KCNG2: variants seen among roughly 807,000 people sequenced by gnomAD.
KCNG2 encodes voltage-gated potassium channel regulatory subunit KCNG2.
A neutral mutation model predicts 12.3 loss-of-function variants in KCNG2; 7 were observed. That is an observed-to-expected ratio of 0.57 (90% confidence interval 0.32 to 1.07). The LOEUF (loss-of-function observed/expected upper bound fraction) is 1.07. Ranked by LOEUF, KCNG2 falls within the 50% of genes least tolerant of loss-of-function variation. The probability of loss-of-function intolerance (pLI) is 0.04; values close to 1 mark genes in which losing one functional copy is unlikely to be tolerated. For missense variants in KCNG2, 703 were observed against 726.0 expected (o/e 0.97, Z 0.36); for synonymous variants, 414 against 351.4 (o/e 1.18, Z -1.99).
intron 1 of KCNG2, among the ~76,000 whole-genome samples, chr18:79,804,516 G>T (rs1331563475): frequency 6.6e-6 from 1 of 152,224 alleles, no homozygotes; most frequent in Non-Finnish European, 1.5e-5. Context: ...TGCACCCGTG[G>T]CCGGTCCTGA....
At chr18:79,860,594 A>G (rs1250248117) in intron 2 of KCNG2, among the ~76,000 whole-genome samples, 1 of 152,092 alleles carries the variant, frequency 6.6e-6, no homozygotes, top group Non-Finnish European at 1.5e-5. Flanking sequence ...TTGCTTTTGT[A>G]TAGAAATACA....
At chr18:79,849,027 C>G (rs1793727900) in intron 1 of KCNG2, among the ~76,000 whole-genome samples, 1 of 152,140 alleles carries the variant, frequency 6.6e-6, no homozygotes, top group African/African-American at 2.4e-5. Flanking sequence ...GGACACGGGA[C>G]CCGTGCGGAC....
chr18:79,897,794 C>T (rs893454583), intron 3 of KCNG2, among the ~76,000 whole-genome samples: 1 of 151,940 alleles, frequency 6.6e-6, no homozygotes, highest in Non-Finnish European at 1.5e-5. Context: ...CCCTCTTCCT[C>T]CCCAGCAACA....
chr18:79,804,678 G>A (rs1244226354), intron 1 of KCNG2, among the ~76,000 whole-genome samples: 1 of 152,214 alleles, frequency 6.6e-6, no homozygotes, highest in Admixed American at 6.5e-5. Context: ...AAGGGAATGT[G>A]GCATCAAAAA....
intron 3 of KCNG2, among the ~76,000 whole-genome samples, chr18:79,891,836 ATT>A (rs1268203524): frequency 1.3e-5 from 2 of 152,100 alleles, no homozygotes; most frequent in African/African-American, 4.8e-5. Flanking sequence ...AAAAATGTAT[ATT>A]GAGTTGTCCG....
At chr18:79,866,112 G>GCTGAGGGGTCTGTGTT (rs1979521288) in intron 3 of KCNG2, among the ~76,000 whole-genome samples, 1 of 148,038 alleles carries the variant, frequency 6.8e-6, no homozygotes, top group Non-Finnish European at 1.5e-5. Flanking sequence ...AGGTCTGGGT[G>GCTGAGGGGTCTGTGTT]CTGAGAGGTC....
intron 1 of KCNG2, among the ~76,000 whole-genome samples, chr18:79,809,875 C>T (rs993217560): frequency 6.6e-6 from 1 of 152,244 alleles, no homozygotes; most frequent in African/African-American, 2.4e-5. Context: ...TCATTGTTGC[C>T]GGTTTTAAAG....
At chr18:79,830,879 A>G (rs189591111) in intron 1 of KCNG2, among the ~76,000 whole-genome samples, 43 of 110,436 alleles carry the variant, frequency 3.9e-4, no homozygotes, top group Admixed American at 4.5e-4. Context: ...GGTTCCCTGC[A>G]TACAGAGCCT....
At chr18:79,829,975 C>T (rs1374047557) in intron 1 of KCNG2, among the ~76,000 whole-genome samples, 2 of 152,202 alleles carry the variant, frequency 1.3e-5, no homozygotes, top group Non-Finnish European at 2.9e-5. Context: ...AGATTCTGTG[C>T]TTTTGTGGAG....
Position 79,865,159 on chromosome 18 carries a change from TGA to T in KCNG2, c.624+872_624+873del, listed in dbSNP as rs750011510. On this transcript the variant is annotated intron_variant, in intron 3 of 3. Transcript: ENST00000316249. ...GCTGTCTGCTGAGAGGCCTGGGTGCTGAGAGGTCTGGCTGCTGAGAGGTCTGG... is the reference window on the plus strand; with the variant it reads ...GCTGTCTGCTGAGAGGCCTGGGTGCTGAGGTCTGGCTGCTGAGAGGTCTGG... 4.3e-4 allele frequency among the ~76,000 whole-genome samples: 60 copies of T among 139,596 alleles called. 3 individuals carry two copies. Among genetic ancestry groups the T allele is most frequent in the Non-Finnish European group, 9.2e-5 (6 of 64,950 alleles). 91.6% of individuals were successfully genotyped at this position (139,596 alleles called of 152,430 possible). A position where few individuals can be genotyped will look rare whatever the true frequency, so the allele number is the denominator to read the frequency against.
rs565354601 is a variant in KCNG2 at position 79,882,833 on chromosome 18, G to A, written c.625-16207G>A. 2.8e-4 allele frequency among the ~76,000 whole-genome samples: 43 copies of A among 151,896 alleles called. 1 individual carries two copies. In the East Asian group the frequency reaches 2.9e-3, roughly 10 times the overall value. On this transcript the variant is annotated intron_variant, in intron 3 of 3. Coordinates refer to ENST00000316249, the MANE Select transcript of KCNG2 (RefSeq NM_012283.2). ...CCTGCGCGTGGAGCGCGGAGGCCGGGTACACCTGCGCGTGGAGCGCGGAGG... is the reference window on the plus strand; with the variant it reads ...CCTGCGCGTGGAGCGCGGAGGCCGGATACACCTGCGCGTGGAGCGCGGAGG...
intron 3 of KCNG2, among the ~76,000 whole-genome samples, chr18:79,888,331 G>A (rs1016996057): frequency 6.6e-6 from 1 of 151,560 alleles, no homozygotes; most frequent in African/African-American, 2.4e-5. Context: ...ATCTGGGGCT[G>A]GGTCGGCCCT....
intron 3 of KCNG2, among the ~76,000 whole-genome samples, chr18:79,892,343 TAC>T (rs1468563822): frequency 6.6e-6 from 1 of 152,264 alleles, no homozygotes; most frequent in Non-Finnish European, 1.5e-5. Flanking sequence ...TGTCTATTAG[TAC>T]AGTCATTCCA....
At chr18:79,835,809 C>T (rs192087076) in intron 1 of KCNG2, among the ~76,000 whole-genome samples, 4 of 152,230 alleles carry the variant, frequency 2.6e-5, no homozygotes, top group Non-Finnish European at 5.9e-5. Flanking sequence ...TGGCTCTACA[C>T]TTCACTTGAA....
chr18:79,883,813 T>G (rs912410242), intron 3 of KCNG2, among the ~76,000 whole-genome samples: 1 of 152,196 alleles, frequency 6.6e-6, no homozygotes, highest in Non-Finnish European at 1.5e-5. Flanking sequence ...GCAGGCATGT[T>G]TTCGTTTTTG....
At chr18:79,829,134 CTGTG>C (rs1173174835) in intron 1 of KCNG2, among the ~76,000 whole-genome samples, 7 of 130,750 alleles carry the variant, frequency 5.4e-5, no homozygotes, top group South Asian at 2.6e-4. Flanking sequence ...GTGCATGTGT[CTGTG>C]TGTGGGTGTC....
intron 3 of KCNG2, among the ~76,000 whole-genome samples, chr18:79,891,702 TTTCTAATA>T (rs1980749234): frequency 6.6e-6 from 1 of 152,214 alleles, no homozygotes; most frequent in Non-Finnish European, 1.5e-5. Flanking sequence ...CTGTTATTAA[TTTCTAATA>T]TTCTATTGTG....
In KCNG2 at chr18:79,832,462, C is replaced by T. The variant is rs141778067; in HGVS notation, c.-114-23917C>T. 1.6e-3 allele frequency among the ~76,000 whole-genome samples: 248 copies of T among 151,404 alleles called. 7 individuals carry two copies. The highest frequency in any genetic ancestry group is 0.014 in the Admixed American group (215 of 15,226). On this transcript the variant is annotated intron_variant, in intron 1 of 3. Coordinates refer to ENST00000316249, the MANE Select transcript of KCNG2 (RefSeq NM_012283.2). Reference sequence around the variant, plus strand: ...CCTTACCTGCTCATCCTCACCTGTCCGTCTTCACCTGCCCATCCTCACCTG... The same window carrying T: ...CCTTACCTGCTCATCCTCACCTGTCTGTCTTCACCTGCCCATCCTCACCTG...
chr18:79,863,714 C>A lies in KCNG2; in HGVS notation c.47C>A (p.Ala16Asp). ...CSPGGGGGTR[A>D]RHVIINVGGC... ...CCGGGCGGCGGCGGCGGGACCCGCG[C>A]CCGGCACGTCATCATCAACGTGGGC... The change falls in exon 3 of 4, where the codon GCC (alanine) becomes GAC (aspartate). Residue 16 changes from alanine to aspartate, a missense_variant. Ala to Asp is a moderately radical substitution (Grantham distance 126, BLOSUM62 -2). Transcript: ENST00000316249. 8.3e-7 allele frequency: 1 copy of A among 1,205,116 alleles called. No homozygotes were observed. The highest frequency in any genetic ancestry group is 3.5e-5 in the East Asian group (1 of 28,686). The allele number at this position is 1,205,116 out of a possible 1,614,324, so 74.7% of individuals were successfully genotyped here.
Sources: allele counts gnomAD v4.1 joint callset (sites outside exome capture counted in the v4.1 genomes callset), GRCh38; gene constraint gnomAD v4.1.1; transcripts MANE v1.5; gene names NCBI Gene and HGNC (gene_info 2026-07-23, HGNC 2026-07-21).